The following CDV3 variants were observed in gnomAD, a reference collection of about 807,000 sequenced individuals.
CDV3 encodes the protein CDV3 homolog.
Under a neutral mutation model 24.5 loss-of-function variants are expected in CDV3, and 14 were observed. That is an observed-to-expected ratio of 0.57 (90% CI 0.38 to 0.89). The LOEUF is 0.89. Ranked by LOEUF, CDV3 falls within the 40% of genes least tolerant of loss-of-function variation. The pLI, the probability that CDV3 is intolerant of heterozygous loss-of-function variation, is 0.00. For synonymous variants in CDV3, 114 were observed against 114.1 expected, an observed-to-expected ratio of 1.00 and a Z score of 0.00; for missense variants, 304 against 310.2, an observed-to-expected ratio of 0.98 and a Z score of 0.15.
chr3:133,584,147 A>G lies in CDV3; in HGVS notation c.463A>G (p.Ile155Val), dbSNP rs1397434320. Reference sequence around the variant, plus strand: ...AGTACAAGCACCTCCTGCTCCAGTAATTGGTAATTTTACTATTTCAGTTTC... The same window carrying G: ...AGTACAAGCACCTCCTGCTCCAGTAGTTGGTAATTTTACTATTTCAGTTTC... ...APVQAPPAPV[I>V]VTETPEPAMT... is the part of the protein sequence containing the mutation. Residue 155 changes from isoleucine (I) to valine (V), a missense_variant, in exon 3 of 5, where the codon ATT (isoleucine) becomes GTT (valine). Around this residue, in one of 3 missense-constraint regions of CDV3, gnomAD observed 219 missense variants for 203.6 expected, o/e 1.08. Transcript: ENST00000264993. 1 of 1,591,098 alleles carries G rather than the reference A, an allele frequency of 6.3e-7. No homozygotes were observed. The highest frequency in any genetic ancestry group is 1.2e-5 in the South Asian group (1 of 86,698).
At chr3:133,575,427 G>A (rs1369878719) in intron 2 of CDV3, among the ~76,000 whole-genome samples, 27 of 152,182 alleles carry the variant, frequency 1.8e-4, no homozygotes, top group Non-Finnish European at 1.5e-5. Flanking sequence ...ATCGGTGATT[G>A]TACTTAGTTT....
chr3:133,585,855 T>C (rs1341976146), intron 3 of CDV3, among the ~76,000 whole-genome samples: 1 of 152,172 alleles, frequency 6.6e-6, no homozygotes, highest in Non-Finnish European at 1.5e-5. Flanking sequence ...TCTTTACATA[T>C]GGCATCTTAA....
chr3:133,588,230 G>A lies in CDV3; in HGVS notation c.*184G>A. The A allele has an allele frequency of 1.9e-6, 3 of 1,539,118 alleles. No individual in the cohort carries two copies. Among genetic ancestry groups the A allele is most frequent in the African/African-American group, 1.4e-5 (1 of 72,604 alleles). ...CTGCTCTATGCATATTGGATTTAGG[G>A]GAATTTTCATTGTTACATAAATGTG... On this transcript the variant is annotated 3_prime_UTR_variant, in exon 5 of 5. Coordinates refer to ENST00000264993, the MANE Select transcript of CDV3 (RefSeq NM_017548.5).
chr3:133,588,339 CTTT>C lies in CDV3; in HGVS notation c.*296_*298del. 2.0e-6 allele frequency: 3 copies of C among 1,536,302 alleles called. No individual in the cohort carries two copies. The highest frequency in any genetic ancestry group is 4.9e-5 in the East Asian group (2 of 40,920). On this transcript the variant is annotated 3_prime_UTR_variant, in exon 5 of 5. Transcript: ENST00000264993. ...CTGCAGCCAGTGGTCATTTCAAAATCTTTTTATGTTCAGATACTGAGCCTTCAT... is the reference window on the plus strand; with the variant it reads ...CTGCAGCCAGTGGTCATTTCAAAATCTTATGTTCAGATACTGAGCCTTCAT...
chr3:133,588,608 G>C lies in CDV3; in HGVS notation c.*562G>C, dbSNP rs192478312. On this transcript the variant is annotated 3_prime_UTR_variant, in exon 5 of 5. Coordinates refer to ENST00000264993, the MANE Select transcript of CDV3 (RefSeq NM_017548.5). ...GCCCTACCCTTAAGGAATACTCTCT[G>C]TAGTAGGCTGTTGTTATATTAGACT... The C allele has an allele frequency of 5.1e-5, 29 of 571,598 alleles. No individual in the cohort carries two copies. Among genetic ancestry groups the C allele is most frequent in the Middle Eastern group, 5.3e-4 (2 of 3,774 alleles). 35.4% of individuals were successfully genotyped at this position (571,598 alleles called of 1,614,324 possible). A position where few individuals can be genotyped will look rare whatever the true frequency, so the allele number is the denominator to read the frequency against.
chr3:133,579,200 T>C (rs934722518), intron 2 of CDV3, among the ~76,000 whole-genome samples: 2 of 152,210 alleles, frequency 1.3e-5, no homozygotes, highest in African/African-American at 2.4e-5. Context: ...AGATATTCAG[T>C]AAGTCTCCCT....
intron 2 of CDV3, 145 bp downstream of exon 2, chr3:133,575,260 C>T: frequency 3.7e-6 from 2 of 545,808 alleles, no homozygotes; most frequent in Non-Finnish European, 6.7e-6. Context: ...TCTGTCTACT[C>T]TTTCTCACTC....
intron 2 of CDV3, among the ~76,000 whole-genome samples, chr3:133,576,585 G>A (rs115549878): frequency 6.6e-6 from 1 of 152,280 alleles, no homozygotes; most frequent in African/African-American, 2.4e-5. Context: ...TAAAATTTTG[G>A]TTTCAAGTTC....
intron 2 of CDV3, among the ~76,000 whole-genome samples, chr3:133,578,207 A>G (rs1424693130): frequency 6.6e-6 from 1 of 152,078 alleles, no homozygotes; most frequent in East Asian, 1.9e-4. Flanking sequence ...GGCTGGTCTC[A>G]AAACTCCTGG....
At chr3:133,579,534 C>G (rs975306532) in intron 2 of CDV3, among the ~76,000 whole-genome samples, 2 of 151,870 alleles carry the variant, frequency 1.3e-5, no homozygotes, top group Non-Finnish European at 2.9e-5. Flanking sequence ...AGGCAAGCCT[C>G]TAAGCATCTC....
chr3:133,580,824 G>GC (rs1331245542), intron 2 of CDV3, among the ~76,000 whole-genome samples: 1 of 152,176 alleles, frequency 6.6e-6, no homozygotes, highest in African/African-American at 2.4e-5. Flanking sequence ...TAGGGCATGA[G>GC]CCACTGCACC....
intron 1 of CDV3, 112 bp downstream of exon 1, chr3:133,574,396 C>T (rs933767363): frequency 9.5e-6 from 9 of 950,658 alleles, no homozygotes; most frequent in East Asian, 1.2e-4. Context: ...GCCGGGCGGA[C>T]GGGCGCGGGC....
At chr3:133,575,193 A>G in intron 2 of CDV3, 78 bp downstream of exon 2, 2 of 796,648 alleles carry the variant, frequency 2.5e-6, no homozygotes, top group East Asian at 2.5e-5. Context: ...CTTTGGCCCC[A>G]AAGCAGCATC....
intron 2 of CDV3, among the ~76,000 whole-genome samples, chr3:133,580,700 C>T (rs1462496675): frequency 6.6e-6 from 1 of 150,636 alleles, no homozygotes; most frequent in Non-Finnish European, 1.5e-5. Flanking sequence ...GAAACTCCAT[C>T]TCAAAAAAAA....
chr3:133,583,281 ATT>A (rs776008679), intron 2 of CDV3, among the ~76,000 whole-genome samples: 1 of 152,244 alleles, frequency 6.6e-6, no homozygotes, highest in Non-Finnish European at 1.5e-5. Flanking sequence ...TTCTGAGAGT[ATT>A]TTATGTGCGA....
At chr3:133,585,118 A>T (rs1316097631) in intron 3 of CDV3, among the ~76,000 whole-genome samples, 7 of 152,144 alleles carry the variant, frequency 4.6e-5, no homozygotes, top group African/African-American at 1.7e-4. Context: ...GCAGTCATGC[A>T]ATCATGGCTC....
intron 1 of CDV3, chr3:133,574,552 G>C (rs1455847513): frequency 1.0e-6 from 1 of 986,134 alleles, no homozygotes; most frequent in East Asian, 1.1e-4. Flanking sequence ...GGGGCACTAG[G>C]TCTGGGGCCG....
Position 133,588,125 on chromosome 3 carries a change from T to G in CDV3, c.*79T>G. On this transcript the variant is annotated 3_prime_UTR_variant, in exon 5 of 5. Coordinates refer to ENST00000264993, the MANE Select transcript of CDV3 (RefSeq NM_017548.5). The stretch of plus-strand genomic sequence containing the variant: ...CAACAGCCATTCATCATCTGATCTC[T>G]GCTGGATCTACAGACACCGATGCAG... 6.3e-7 allele frequency: 1 copy of G among 1,576,314 alleles called. No individual in the cohort carries two copies. The highest frequency in any genetic ancestry group is 1.8e-5 in the Admixed American group (1 of 54,468).
At position 133,575,080 on chromosome 3, in the gene CDV3, T is replaced by C. The variant is rs763274656; in HGVS notation, c.282T>C (p.Asp94=). ...AAGAATTGGAGCAAAAAGAGGTTGA[T>C]TACAGCGGCCTCAGGGTTCAGGCAA... ...EWKELEQKEV[D]YSGLRVQAMQ... is the part of the protein sequence containing the mutation. Residue 94 remains aspartate (D), a synonymous_variant, in exon 2 of 5, where the codon GAT becomes GAC. Transcript: ENST00000264993. 2.5e-6 allele frequency: 4 copies of C among 1,605,388 alleles called. No homozygotes were observed. The highest frequency in any genetic ancestry group is 3.4e-6 in the Non-Finnish European group (4 of 1,172,026).
Sources: gnomAD v4.1 joint callset for allele counts (sites outside exome capture counted in the v4.1 genomes callset) on GRCh38, gnomAD v4.1.1 for gene constraint, gnomAD v4.1.1 regional missense constraint, MANE v1.5 for transcripts, NCBI Gene and HGNC (gene_info 2026-07-23, HGNC 2026-07-21) for gene names.